Variants in FAM184A observed in about 807,000 individuals in gnomAD.
FAM184A encodes the protein family with sequence similarity 184 member A.
Under a neutral mutation model 143.8 loss-of-function variants are expected in FAM184A, and 99 were observed. The ratio of observed to expected loss-of-function variants is 0.69; its 90% CI spans 0.58 to 0.81. The LOEUF is 0.81. Among genes scored for constraint, FAM184A ranks in the 40% least tolerant of loss-of-function variants. FAM184A has a pLI of 0.00. For missense variants in FAM184A, 1,217 were observed against 1,310.5 expected, an observed-to-expected ratio of 0.93 and a Z score of 1.10; for synonymous variants, 427 against 446.4, an observed-to-expected ratio of 0.96 and a Z score of 0.55.
chr6:118,980,091 T>G (rs1237875146), intron 10 of FAM184A, 47 bp downstream of exon 10: 32 of 1,521,372 alleles, frequency 2.1e-5, no homozygotes, highest in Non-Finnish European at 2.8e-5. Context: ...GACTAATTAT[T>G]ATTAGGCAGT....
intron 1 of FAM184A, among the ~76,000 whole-genome samples, chr6:119,125,727 T>G (rs1391518902): frequency 6.6e-6 from 1 of 152,220 alleles, no homozygotes; most frequent in Non-Finnish European, 1.5e-5. Flanking sequence ...GATCTAATTA[T>G]ACAGTGGACC....
At chr6:118,960,554 T>A (rs1406144526) in intron 17 of FAM184A, among the ~76,000 whole-genome samples, 1 of 152,210 alleles carries the variant, frequency 6.6e-6, no homozygotes, top group Non-Finnish European at 1.5e-5. Flanking sequence ...ATCGTACAGA[T>A]GTGTCCTTAA....
chr6:119,082,504 A>G (rs1788100657), upstream of FAM184A, among the ~76,000 whole-genome samples: 1 of 152,268 alleles, frequency 6.6e-6, no homozygotes, highest in African/African-American at 2.4e-5. Flanking sequence ...CCAAGATACA[A>G]TGGGGGTTCA....
Position 119,016,869 on chromosome 6 carries a change from C to G in FAM184A, c.1408G>C (p.Glu470Gln), listed in dbSNP as rs1562474880. The G allele has an allele frequency of 6.2e-7, 1 of 1,614,070 alleles. No individual in the cohort carries two copies. Among genetic ancestry groups the G allele is most frequent in the Non-Finnish European group, 8.5e-7 (1 of 1,179,926 alleles). ...ELKNLQSRLE[E>Q]EVTQLNEAHS... ...GCCTCGTTTAATTGAGTCACCTCCT[C>G]TTCCAATCTACTTTGCAGGTTTTTA... Residue 470 changes from glutamate (E) to glutamine (Q), a missense_variant, in exon 5 of 18, where the codon GAG becomes CAG. Transcript: ENST00000338891.
chr6:119,119,007 C>T (rs1789137040), intron 1 of FAM184A, among the ~76,000 whole-genome samples: 1 of 152,126 alleles, frequency 6.6e-6, no homozygotes, highest in Non-Finnish European at 1.5e-5. Context: ...GCCTCTGAAA[C>T]GGCCCCCTTG....
At chr6:119,041,177 G>T (rs1037559768) in intron 1 of FAM184A, among the ~76,000 whole-genome samples, 17 of 152,104 alleles carry the variant, frequency 1.1e-4, no homozygotes, top group Admixed American at 7.2e-4. Context: ...CCAAGTGAGG[G>T]TTACTATAAG....
chr6:119,068,880 C>G (rs945916889), intron 1 of FAM184A, among the ~76,000 whole-genome samples: 5 of 152,060 alleles, frequency 3.3e-5, no homozygotes, highest in Non-Finnish European at 7.4e-5. Context: ...AAGAAAAGCA[C>G]GTACATAAGT....
upstream of FAM184A, among the ~76,000 whole-genome samples, chr6:119,080,549 A>G (rs76470590): frequency 0.018 from 2,706 of 152,352 alleles, 34 homozygotes; most frequent in South Asian, 0.046. Context: ...ATAAATAATG[A>G]ATAGAAACAT....
chr6:119,121,885 C>T (rs1419630409), intron 1 of FAM184A, among the ~76,000 whole-genome samples: 1 of 152,146 alleles, frequency 6.6e-6, no homozygotes, highest in Non-Finnish European at 1.5e-5. Flanking sequence ...ATTTATTATC[C>T]TTTCTATGTA....
chr6:119,007,318 A>C (rs1784952742), intron 6 of FAM184A, among the ~76,000 whole-genome samples: 1 of 152,224 alleles, frequency 6.6e-6, no homozygotes, highest in South Asian at 2.1e-4. Context: ...AAAAGTTGAA[A>C]TTGGTAATTT....
At chr6:119,086,491 T>C (rs538101767) in intron 1 of FAM184A, among the ~76,000 whole-genome samples, 1 of 152,064 alleles carries the variant, frequency 6.6e-6, no homozygotes, top group East Asian at 1.9e-4. Context: ...GTTTTTCAGG[T>C]AAAATGGGTA....
In FAM184A at chr6:119,110,558, A is replaced by G. The variant is rs570627405; in HGVS notation, c.-202+38520T>C. On this transcript the variant is annotated intron_variant, in intron 1 of 16. Transcript: ENST00000352896. ...AAAAAGTGAAAAGGATATTGGATAG[A>G]CAACTAGCAGGGTCTATCCCATGGA... 5.3e-5 allele frequency among the ~76,000 whole-genome samples: 8 copies of G among 152,168 alleles called. No individual in the cohort carries two copies. The East Asian group carries it at 1.5e-3, about 29-fold the overall frequency.
chr6:119,058,338 T>C (rs1454008248), intron 1 of FAM184A, among the ~76,000 whole-genome samples: 1 of 151,856 alleles, frequency 6.6e-6, no homozygotes, highest in African/African-American at 2.4e-5. Flanking sequence ...GTAGCTGGGA[T>C]TACAGGTGTG....
chr6:119,105,615 A>G (rs1204209641), intron 1 of FAM184A, among the ~76,000 whole-genome samples: 2 of 152,164 alleles, frequency 1.3e-5, no homozygotes, highest in African/African-American at 4.8e-5. Context: ...GCAGTGTGAA[A>G]ACGGACTAAT....
chr6:119,032,654 G>A (rs1226174609), intron 1 of FAM184A, among the ~76,000 whole-genome samples: 1 of 151,094 alleles, frequency 6.6e-6, no homozygotes, highest in African/African-American at 2.4e-5. Context: ...AAAGAGGAAG[G>A]GAGGGAGCAG....
chr6:119,051,733 AAAGT>A (rs1715104120), intron 1 of FAM184A, among the ~76,000 whole-genome samples: 1 of 152,220 alleles, frequency 6.6e-6, no homozygotes, highest in Non-Finnish European at 1.5e-5. Flanking sequence ...TTTGAGAGGT[AAAGT>A]AAGAGGTAAA....
At chr6:119,114,731 G>T (rs1789015725) in intron 1 of FAM184A, among the ~76,000 whole-genome samples, 4 of 152,074 alleles carry the variant, frequency 2.6e-5, no homozygotes, top group Admixed American at 2.6e-4. Context: ...ATGTAGATAT[G>T]GGGTTTCACC....
chr6:118,960,533 TC>T (rs2114524518), intron 17 of FAM184A, among the ~76,000 whole-genome samples: 1 of 152,346 alleles, frequency 6.6e-6, no homozygotes, highest in East Asian at 1.9e-4. Flanking sequence ...GCACCTTTTC[TC>T]TTTTAGCTGA....
intron 5 of FAM184A, among the ~76,000 whole-genome samples, chr6:119,012,134 T>C (rs1785108592): frequency 1.3e-5 from 2 of 152,102 alleles, no homozygotes; most frequent in South Asian, 4.1e-4. Context: ...GAAAAGGTGA[T>C]GGAGCAGGAG....
Sources: allele counts gnomAD v4.1 joint callset (sites outside exome capture counted in the v4.1 genomes callset), GRCh38; gene constraint gnomAD v4.1.1; transcripts MANE v1.5; gene names NCBI Gene and HGNC (gene_info 2026-07-23, HGNC 2026-07-21).